Variants in ARHGAP6 observed in about 807,000 individuals in gnomAD.
ARHGAP6 encodes rho GTPase-activating protein 6.
Under a neutral mutation model 55.7 loss-of-function variants are expected in ARHGAP6, and 16 were observed. The observed-to-expected ratio is 0.29, with a 90% confidence interval of 0.19 to 0.44. The LOEUF (loss-of-function observed/expected upper bound fraction) is 0.44, where lower values mean the gene tolerates loss of function less well. ARHGAP6 is among the 20% of genes least tolerant of loss of function. ARHGAP6 has a pLI of 1.00. For missense variants in ARHGAP6, 698 were observed against 808.9 expected, an observed-to-expected ratio of 0.86 and a Z score of 1.66; for synonymous variants, 382 against 360.9, an observed-to-expected ratio of 1.06 and a Z score of -0.66.
chrX:11,385,994 G>A (rs1047279997), intron 1 of ARHGAP6, among the ~76,000 whole-genome samples: 7 of 112,508 alleles, frequency 6.2e-5, no homozygotes, highest in Admixed American at 9.4e-5. Flanking sequence ...AATACAAGTG[G>A]TGTGATGTTT....
intron 1 of ARHGAP6, among the ~76,000 whole-genome samples, chrX:11,493,554 G>A (rs776148124): frequency 9.0e-6 from 1 of 111,660 alleles, no homozygotes; most frequent in Admixed American, 9.6e-5. Flanking sequence ...ACTATTCATT[G>A]GTGTGACTGT....
At chrX:11,289,911 G>C (rs2047966047) in intron 1 of ARHGAP6, among the ~76,000 whole-genome samples, 1 of 111,793 alleles carries the variant, frequency 8.9e-6, no homozygotes, top group Admixed American at 9.4e-5. Flanking sequence ...CTTAAACCCG[G>C]GAGGCAGAGA....
At chrX:11,441,391 A>C (rs1171927698) in intron 1 of ARHGAP6, among the ~76,000 whole-genome samples, 1 of 111,838 alleles carries the variant, frequency 8.9e-6, no homozygotes, top group African/African-American at 3.3e-5. Context: ...TATCTCCTTG[A>C]TGTTTCCACA....
At chrX:11,306,907 A>G (rs2048243536) in intron 1 of ARHGAP6, among the ~76,000 whole-genome samples, 1 of 111,771 alleles carries the variant, frequency 8.9e-6, no homozygotes, top group East Asian at 2.8e-4. Context: ...CTCTTGTGCT[A>G]AACTGCCAAA....
intron 1 of ARHGAP6, among the ~76,000 whole-genome samples, chrX:11,561,301 A>T (rs930645160): frequency 1.8e-5 from 2 of 112,480 alleles, no homozygotes; most frequent in Admixed American, 9.4e-5. Context: ...CAAAGGAAGC[A>T]TATGTACACC....
In ARHGAP6 at chrX:11,203,664, C is replaced by T. The variant is rs777557754; in HGVS notation, c.749-6668G>A. 4.5e-5 allele frequency among the ~76,000 whole-genome samples: 5 copies of T among 111,758 alleles called. No individual in the cohort carries two copies. The East Asian group carries it at 8.4e-4, about 19-fold the overall frequency. The stretch of plus-strand genomic sequence containing the variant: ...AATGTTTACAGATGTTTTTCTGGGG[C>T]GACATCTAAAACTTTCACAAGGTTC... On this transcript the variant is annotated intron_variant, in intron 2 of 12. Transcript: ENST00000337414.
chrX:11,413,808 T>A (rs2049716222), intron 1 of ARHGAP6, among the ~76,000 whole-genome samples: 1 of 112,449 alleles, frequency 8.9e-6, no homozygotes, highest in African/African-American at 3.2e-5. Flanking sequence ...TAACTTAAAA[T>A]TTTTAAAGCA....
chrX:11,635,581 T>G (rs1411996765), intron 1 of ARHGAP6, among the ~76,000 whole-genome samples: 3 of 111,749 alleles, frequency 2.7e-5, no homozygotes, highest in Non-Finnish European at 1.9e-5. Context: ...AATGTCTAAA[T>G]CTGAGTGGAC....
chrX:11,186,393 GTCA>G lies in ARHGAP6; in HGVS notation c.1113_1115del (p.Asp372del), dbSNP rs2046386457. ...AAGCTTCTAGTAGTCGAGACTGATT[GTCA>G]TCAAGATCGGTGATAGAATCCACTG... On this transcript the variant is annotated inframe_deletion, in exon 5 of 13. Coordinates refer to ENST00000337414, the MANE Select transcript of ARHGAP6 (RefSeq NM_013427.3). 1 of 1,211,028 alleles carries G rather than the reference GTCA, an allele frequency of 8.3e-7. No homozygotes were observed. Among genetic ancestry groups the G allele is most frequent in the Non-Finnish European group, 1.1e-6 (1 of 895,117 alleles).
At chrX:11,271,672 A>G (rs990665731) in intron 1 of ARHGAP6, among the ~76,000 whole-genome samples, 1 of 111,995 alleles carries the variant, frequency 8.9e-6, no homozygotes, top group African/African-American at 3.2e-5. Flanking sequence ...AATTTATCCT[A>G]TTAAACTCTT....
chrX:11,662,409 C>G (rs756244907), intron 1 of ARHGAP6, among the ~76,000 whole-genome samples: 2 of 110,936 alleles, frequency 1.8e-5, no homozygotes, highest in East Asian at 5.6e-4. Context: ...GAATTTCCAA[C>G]ACACACACAC....
intron 1 of ARHGAP6, among the ~76,000 whole-genome samples, chrX:11,613,025 G>A (rs1365598042): frequency 8.9e-6 from 1 of 112,771 alleles, no homozygotes; most frequent in Non-Finnish European, 1.9e-5. Flanking sequence ...GGAAAAATCA[G>A]TGATCACTGC....
intron 1 of ARHGAP6, among the ~76,000 whole-genome samples, chrX:11,559,560 TTG>T (rs1420604738): frequency 8.9e-6 from 1 of 111,904 alleles, no homozygotes; most frequent in East Asian, 2.8e-4. Flanking sequence ...TAATTTGCCT[TTG>T]TATTCCCAGG....
chrX:11,663,634 C>A (rs2052723262), intron 1 of ARHGAP6, among the ~76,000 whole-genome samples: 1 of 111,811 alleles, frequency 8.9e-6, no homozygotes, highest in Non-Finnish European at 1.9e-5. Context: ...TTTCCATGAT[C>A]TTTCACACCC....
chrX:11,166,138 T>C (rs1355092712), intron 9 of ARHGAP6, among the ~76,000 whole-genome samples: 1 of 111,669 alleles, frequency 9.0e-6, no homozygotes, highest in Non-Finnish European at 1.9e-5. Flanking sequence ...CAGGTTCTTT[T>C]CCGCCCTTTC....
intron 1 of ARHGAP6, among the ~76,000 whole-genome samples, chrX:11,374,943 A>G (rs1314242971): frequency 8.0e-5 from 9 of 111,923 alleles, no homozygotes; most frequent in Non-Finnish European, 1.7e-4. Context: ...ACCACCTGGC[A>G]TATTATATAC....
chrX:11,473,553 T>A (rs1254712770), intron 1 of ARHGAP6, among the ~76,000 whole-genome samples: 1 of 111,177 alleles, frequency 9.0e-6, no homozygotes, highest in Non-Finnish European at 1.9e-5. Flanking sequence ...ACTGGAGTCA[T>A]GTAACTGCAT....
chrX:11,540,514 C>A (rs2051147475), intron 1 of ARHGAP6, among the ~76,000 whole-genome samples: 1 of 110,972 alleles, frequency 9.0e-6, no homozygotes, highest in African/African-American at 3.3e-5. Flanking sequence ...ACCCATAGGA[C>A]AGATAACTGT....
chrX:11,575,391 G>A (rs1472441480), intron 1 of ARHGAP6, among the ~76,000 whole-genome samples: 1 of 111,693 alleles, frequency 9.0e-6, no homozygotes, highest in East Asian at 2.8e-4. Flanking sequence ...GCAGCAACAG[G>A]ACTATTCTAC....
Sources: gnomAD v4.1 joint callset for allele counts (sites outside exome capture counted in the v4.1 genomes callset) on GRCh38, gnomAD v4.1.1 for gene constraint, MANE v1.5 for transcripts, NCBI Gene and HGNC (gene_info 2026-07-23, HGNC 2026-07-21) for gene names.